The following CNTN4 variants were observed in gnomAD, a reference collection of about 807,000 sequenced individuals.
The protein encoded by CNTN4 is contactin 4, also known as contactin-4.
CNTN4 carries 77 observed loss-of-function variants against 122.5 expected under a neutral mutation model. The observed-to-expected ratio is 0.63, with a 90% confidence interval of 0.52 to 0.76. CNTN4 has a LOEUF of 0.76. Ranked by LOEUF, CNTN4 falls within the 30% of genes least tolerant of loss-of-function variation. The pLI, the probability that CNTN4 is intolerant of heterozygous loss-of-function variation, is 0.00. For missense variants in CNTN4, 1,256 were observed against 1,259.1 expected (o/e 1.00, Z 0.04); for synonymous variants, 512 against 447.0 (o/e 1.15, Z -1.83).
intron 6 of CNTN4, among the ~76,000 whole-genome samples, chr3:2,773,597 T>G (rs184367131): frequency 1.7e-4 from 26 of 152,156 alleles, no homozygotes; most frequent in African/African-American, 6.3e-4. Flanking sequence ...TTCCTGCTCC[T>G]GAATTTGTGC....
intron 3 of CNTN4, among the ~76,000 whole-genome samples, chr3:2,357,144 T>C (rs2044906527): frequency 6.6e-6 from 1 of 152,212 alleles, no homozygotes; most frequent in South Asian, 2.1e-4. Flanking sequence ...TTTGCATTTC[T>C]AACCAAGACC....
At chr3:2,555,142 T>C (rs931680037) in intron 3 of CNTN4, among the ~76,000 whole-genome samples, 3 of 152,202 alleles carry the variant, frequency 2.0e-5, no homozygotes, top group African/African-American at 7.2e-5. Context: ...CTATATAGAT[T>C]GTCATATGCA....
At chr3:2,598,013 C>G (rs2080852470) in intron 4 of CNTN4, among the ~76,000 whole-genome samples, 1 of 152,124 alleles carries the variant, frequency 6.6e-6, no homozygotes, top group African/African-American at 2.4e-5. Flanking sequence ...TTTATTCATG[C>G]CTTGGTTTCC....
At chr3:2,577,682 A>G (rs547528873) in intron 4 of CNTN4, among the ~76,000 whole-genome samples, 28 of 152,214 alleles carry the variant, frequency 1.8e-4, no homozygotes, top group South Asian at 8.3e-4. Flanking sequence ...GAAATTTCAC[A>G]TAGGTCATAT....
intron 2 of CNTN4, among the ~76,000 whole-genome samples, chr3:2,266,141 T>A (rs1364177205): frequency 6.6e-6 from 1 of 152,088 alleles, no homozygotes; most frequent in South Asian, 2.1e-4. Context: ...TGTCTTGTTC[T>A]AGATCTTACT....
chr3:2,735,576 C>T (rs2089022245), intron 4 of CNTN4, among the ~76,000 whole-genome samples: 1 of 152,190 alleles, frequency 6.6e-6, no homozygotes. Context: ...ATCTGTGGTA[C>T]AGGCTATGTG....
At chr3:2,677,584 G>A (rs1412234347) in intron 4 of CNTN4, among the ~76,000 whole-genome samples, 1 of 151,916 alleles carries the variant, frequency 6.6e-6, no homozygotes, top group Non-Finnish European at 1.5e-5. Context: ...TAGGATGTCT[G>A]GAAAGTAATA....
chr3:2,611,562 G>A (rs942534407), intron 4 of CNTN4, among the ~76,000 whole-genome samples: 1 of 152,076 alleles, frequency 6.6e-6, no homozygotes, highest in African/African-American at 2.4e-5. Flanking sequence ...AAAAATAAAT[G>A]TGACTTAGAT....
intron 14 of CNTN4, among the ~76,000 whole-genome samples, chr3:3,010,700 C>G (rs904551964): frequency 2.0e-5 from 3 of 152,112 alleles, no homozygotes; most frequent in Non-Finnish European, 2.9e-5. Context: ...GAGGAGGGCG[C>G]TGTGAAATTA....
At chr3:2,265,636 A>T (rs1304266866) in intron 2 of CNTN4, among the ~76,000 whole-genome samples, 1 of 152,070 alleles carries the variant, frequency 6.6e-6, no homozygotes, top group African/African-American at 2.4e-5. Flanking sequence ...GATTGCAATC[A>T]GTCTATAGAT....
At chr3:2,680,636 T>C (rs1516391) in intron 4 of CNTN4, among the ~76,000 whole-genome samples, 72,188 of 152,052 alleles carry the variant, frequency 0.47, 19,388 homozygotes, top group African/African-American at 0.74. Context: ...ATAATTGTAG[T>C]CCAATGATTA....
At chr3:2,503,416 A>G (rs1323343085) in intron 3 of CNTN4, among the ~76,000 whole-genome samples, 1 of 152,186 alleles carries the variant, frequency 6.6e-6, no homozygotes, top group Non-Finnish European at 1.5e-5. Flanking sequence ...TTGGGGAAGT[A>G]TCGTCTTCAT....
intron 4 of CNTN4, among the ~76,000 whole-genome samples, chr3:2,620,461 C>A (rs1239756706): frequency 6.6e-6 from 1 of 152,024 alleles, no homozygotes; most frequent in African/African-American, 2.4e-5. Flanking sequence ...GATCGTGCCA[C>A]TGTGCTCCAG....
intron 12 of CNTN4, among the ~76,000 whole-genome samples, chr3:2,914,020 A>AAT (rs2094328756): frequency 6.6e-6 from 1 of 152,218 alleles, no homozygotes. Flanking sequence ...GAAATCCACA[A>AAT]ATATGTAAAA....
intron 8 of CNTN4, among the ~76,000 whole-genome samples, chr3:2,877,547 G>T (rs549335530): frequency 1.3e-5 from 2 of 152,304 alleles, no homozygotes; most frequent in South Asian, 4.1e-4. Flanking sequence ...TAGCAGAAAA[G>T]TATGGCTGAG....
intron 6 of CNTN4, among the ~76,000 whole-genome samples, chr3:2,777,630 C>T (rs561646916): frequency 5.3e-5 from 8 of 152,134 alleles, no homozygotes; most frequent in Non-Finnish European, 1.0e-4. Flanking sequence ...TTCTGCCACA[C>T]AGCATGTAAC....
At chr3:2,813,606 T>G (rs1160221992) in intron 6 of CNTN4, among the ~76,000 whole-genome samples, 1 of 152,198 alleles carries the variant, frequency 6.6e-6, no homozygotes, top group Admixed American at 6.5e-5. Context: ...TCCCACCCTG[T>G]GAATAGCTTC....
chr3:2,669,290 A>G (rs2084357473), intron 4 of CNTN4, among the ~76,000 whole-genome samples: 1 of 152,230 alleles, frequency 6.6e-6, no homozygotes, highest in East Asian at 1.9e-4. Flanking sequence ...GTCTATTCAG[A>G]GATTCAACTT....
chr3:2,128,795 A>G lies in CNTN4; in HGVS notation c.-145+28156A>G, dbSNP rs369424279. ...TGCACAGGGGTGAGATGTAAGACAT[A>G]TTAAAGAAAACCATAAAGAGCCAAC... On this transcript the variant is annotated intron_variant, in intron 2 of 24. Coordinates refer to ENST00000418658, the MANE Select transcript of CNTN4 (RefSeq NM_175607.3). 9.8e-5 allele frequency among the ~76,000 whole-genome samples: 15 copies of G among 152,344 alleles called. 1 individual carries two copies. In the South Asian group the frequency reaches 1.0e-3, roughly 11 times the overall value.
Sources: allele counts gnomAD v4.1 joint callset (sites outside exome capture counted in the v4.1 genomes callset), GRCh38; gene constraint gnomAD v4.1.1; transcripts MANE v1.5; gene names NCBI Gene and HGNC (gene_info 2026-07-23, HGNC 2026-07-21).